Variants in DENND6A observed in about 807,000 individuals in gnomAD.
The protein encoded by DENND6A is protein DENND6A.
A neutral mutation model predicts 95.5 loss-of-function variants in DENND6A; 43 were observed. The ratio of observed to expected loss-of-function variants is 0.45; its 90% CI spans 0.35 to 0.58. DENND6A has a LOEUF of 0.58. Among genes scored for constraint, DENND6A ranks in the 20% least tolerant of loss-of-function variants. The pLI is 0.00. For synonymous variants in DENND6A, 257 were observed against 260.4 expected (o/e 0.99, Z 0.13); for missense variants, 574 against 736.0 (o/e 0.78, Z 2.55).
intron 1 of DENND6A, among the ~76,000 whole-genome samples, chr3:57,680,814 C>T (rs1459933692): frequency 6.6e-6 from 1 of 152,022 alleles, no homozygotes; most frequent in Non-Finnish European, 1.5e-5. Flanking sequence ...CACTGTTTAG[C>T]ATTAGTTATT....
intron 14 of DENND6A, among the ~76,000 whole-genome samples, chr3:57,634,047 A>G (rs185494964): frequency 6.6e-6 from 1 of 152,248 alleles, no homozygotes; most frequent in East Asian, 1.9e-4. Context: ...AAGTTTCTAG[A>G]AAGACTGACA....
At chr3:57,658,361 C>T (rs1316196154) in intron 8 of DENND6A, among the ~76,000 whole-genome samples, 1 of 150,978 alleles carries the variant, frequency 6.6e-6, no homozygotes, top group African/African-American at 2.4e-5. Flanking sequence ...AAATCCCATC[C>T]CTACAAAAAA....
chr3:57,690,003 A>G (rs1025430138), intron 1 of DENND6A, among the ~76,000 whole-genome samples: 1 of 150,862 alleles, frequency 6.6e-6, no homozygotes, highest in Non-Finnish European at 1.5e-5. Context: ...GTGAGTTATG[A>G]TCATGCCACT....
chr3:57,634,864 A>C, intron 12 of DENND6A, 95 bp from the exon 13 acceptor site: 1 of 1,010,848 alleles, frequency 9.9e-7, no homozygotes, highest in Non-Finnish European at 1.4e-6. Context: ...TTATTACTTA[A>C]GTATGTTATA....
chr3:57,685,290 A>T (rs941134537), intron 1 of DENND6A, among the ~76,000 whole-genome samples: 5 of 151,960 alleles, frequency 3.3e-5, no homozygotes, highest in Admixed American at 1.3e-4. Flanking sequence ...AGTATCATTA[A>T]AAAAAATTGT....
Position 57,672,448 on chromosome 3 carries a change from AAG to A in DENND6A, c.238-12_238-11del. The stretch of plus-strand genomic sequence containing the variant: ...GCTGAGGATAAATTACCTGGAAGAA[AAG>A]AGTTAAATTTTGTTAAACATATTAT... On this transcript the variant is annotated splice_polypyrimidine_tract_variant and intron_variant, in intron 1 of 19. Transcript: ENST00000311128. 1 of 1,610,930 alleles carries A rather than the reference AAG, an allele frequency of 6.2e-7. No homozygotes were observed. Among genetic ancestry groups the A allele is most frequent in the Non-Finnish European group, 8.5e-7 (1 of 1,178,544 alleles).
chr3:57,676,017 G>C (rs1024805563), intron 1 of DENND6A, among the ~76,000 whole-genome samples: 6 of 151,810 alleles, frequency 4.0e-5, no homozygotes, highest in Admixed American at 2.6e-4. Context: ...AGGCTGCAGC[G>C]AGCCAAGATC....
intron 17 of DENND6A, 65 bp from the exon 18 acceptor site, chr3:57,630,588 T>G: frequency 1.3e-6 from 2 of 1,528,652 alleles, no homozygotes; most frequent in Non-Finnish European, 1.8e-6. Flanking sequence ...TCAATACCTT[T>G]CCTAGTCAGA....
At chr3:57,673,079 T>A (rs933043584) in intron 1 of DENND6A, among the ~76,000 whole-genome samples, 1 of 151,366 alleles carries the variant, frequency 6.6e-6, no homozygotes. Context: ...CTGGGTGTGG[T>A]GGCTCATGCT....
At position 57,630,843 on chromosome 3, in the gene DENND6A, A is replaced by T. The variant is rs774638903; in HGVS notation, c.1408-19T>A. 1 of 1,610,256 alleles carries T rather than the reference A, an allele frequency of 6.2e-7. No homozygotes were observed. The highest frequency in any genetic ancestry group is 8.5e-7 in the Non-Finnish European group (1 of 1,178,624). ...GTGGACTCTAGAAAACAGGACATATAATATTTAGAAATTAGGAGTGGATAT... is the reference window on the plus strand; with the variant it reads ...GTGGACTCTAGAAAACAGGACATATTATATTTAGAAATTAGGAGTGGATAT... On this transcript the variant is annotated intron_variant, in intron 16 of 19. Transcript: ENST00000311128.
intron 11 of DENND6A, 77 bp from the exon 12 acceptor site, chr3:57,641,824 T>C: frequency 2.4e-6 from 3 of 1,247,562 alleles, no homozygotes; most frequent in Non-Finnish European, 3.4e-6. Context: ...ATAGTTTACT[T>C]TTTTTTTCAA....
chr3:57,635,266 AACTT>A (rs1162558821), intron 12 of DENND6A, among the ~76,000 whole-genome samples: 1 of 152,100 alleles, frequency 6.6e-6, no homozygotes, highest in Non-Finnish European at 1.5e-5. Flanking sequence ...CCATTATAGA[AACTT>A]ACACTGCCAG....
chr3:57,644,370 A>G (rs557078950), intron 11 of DENND6A, among the ~76,000 whole-genome samples: 1 of 152,002 alleles, frequency 6.6e-6, no homozygotes, highest in African/African-American at 2.4e-5. Context: ...CAGTGGCACG[A>G]TCTGAGTTCA....
At chr3:57,659,432 A>G (rs371895955) in intron 7 of DENND6A, among the ~76,000 whole-genome samples, 11 of 152,302 alleles carry the variant, frequency 7.2e-5, no homozygotes, top group African/African-American at 2.4e-4. Flanking sequence ...GAAAAACAAA[A>G]TGGACATCAG....
chr3:57,689,493 G>A (rs2077241508), intron 1 of DENND6A, among the ~76,000 whole-genome samples: 2 of 152,086 alleles, frequency 1.3e-5, no homozygotes, highest in Non-Finnish European at 2.9e-5. Context: ...GCCACTTCAG[G>A]GGAAAAGAAG....
In DENND6A at chr3:57,633,333, A is replaced by G; in HGVS notation, c.1285T>C (p.Ser429Pro). 1.2e-6 allele frequency: 2 copies of G among 1,613,894 alleles called. No individual in the cohort carries two copies. Among genetic ancestry groups the G allele is most frequent in the Non-Finnish European group, 1.7e-6 (2 of 1,179,920 alleles). Reference sequence around the variant, plus strand: ...CGAAGAATAACACTTTGAGCCTCAGAAGGACGTTTCTGTTGTACACCCTTA... The same window carrying G: ...CGAAGAATAACACTTTGAGCCTCAGGAGGACGTTTCTGTTGTACACCCTTA... ...LQKGVQQKRP[S>P]EAQSVILRRY... The change falls in exon 15 of 20, where the codon TCT (serine) becomes CCT (proline). Residue 429 changes from serine (S) to proline (P), a missense_variant. By Grantham distance (74) the Ser-to-Pro change is moderately conservative. Transcript: ENST00000311128.
chr3:57,654,494 CA>C (rs2071282362), intron 9 of DENND6A: 2 of 409,494 alleles, frequency 4.9e-6, no homozygotes, highest in Non-Finnish European at 6.6e-6. Flanking sequence ...CAATAGGGAA[CA>C]GGGGAGAGAA....
chr3:57,659,285 C>A, intron 7 of DENND6A, 105 bp from the exon 8 acceptor site: 2 of 1,142,220 alleles, frequency 1.8e-6, no homozygotes, highest in South Asian at 1.3e-5. Flanking sequence ...AAAAAAGCTA[C>A]AAAAACAAAA....
At chr3:57,638,935 GA>G (rs996019535) in intron 12 of DENND6A, among the ~76,000 whole-genome samples, 1 of 151,742 alleles carries the variant, frequency 6.6e-6, no homozygotes, top group Non-Finnish European at 1.5e-5. Flanking sequence ...TGTCTCTACA[GA>G]AAAAATAAAA....
Sources: allele counts gnomAD v4.1 joint callset (sites outside exome capture counted in the v4.1 genomes callset), GRCh38; gene constraint gnomAD v4.1.1; transcripts MANE v1.5; gene names NCBI Gene and HGNC (gene_info 2026-07-23, HGNC 2026-07-21).